TPGS2: variants seen among roughly 807,000 people sequenced by gnomAD.
The protein encoded by TPGS2 is polyglutamylase subunit 2.
TPGS2 carries 26 observed loss-of-function variants against 31.1 expected under a neutral mutation model. The observed-to-expected ratio is 0.84, with a 90% confidence interval of 0.61 to 1.16. The LOEUF is 1.16. Ranked by LOEUF, TPGS2 falls within the 50% of genes most tolerant of loss-of-function variation. TPGS2 has a pLI of 0.00. For synonymous variants in TPGS2, 130 were observed against 136.6 expected, an observed-to-expected ratio of 0.95 and a Z score of 0.34; for missense variants, 351 against 363.8, an observed-to-expected ratio of 0.96 and a Z score of 0.29.
intron 1 of TPGS2, among the ~76,000 whole-genome samples, chr18:36,828,077 A>G (rs2046263940): frequency 6.6e-6 from 1 of 152,166 alleles, no homozygotes; most frequent in South Asian, 2.1e-4. Context: ...GCGAGGCAGG[A>G]GAATTGCTTG....
At position 36,807,919 on chromosome 18, in the gene TPGS2, T is replaced by C; in HGVS notation, c.181A>G (p.Met61Val). 6.2e-7 allele frequency: 1 copy of C among 1,614,206 alleles called. No individual in the cohort carries two copies. Among genetic ancestry groups the C allele is most frequent in the Non-Finnish European group, 8.5e-7 (1 of 1,180,040 alleles). Residue 61 changes from methionine (M) to valine (V), a missense_variant, in exon 3 of 7, where the codon ATG becomes GTG. Transcript: ENST00000334295. ...SSWEQKNNCV[M>V]PEDVKNFYLM... ...TAAAAGTTCTTCACATCTTCAGGCA[T>C]CACACAGTTATTCTTCTAGAATCAC...
chr18:36,823,037 G>C (rs1600843426), intron 1 of TPGS2, among the ~76,000 whole-genome samples: 1 of 152,076 alleles, frequency 6.6e-6, no homozygotes, highest in East Asian at 1.9e-4. Context: ...AAACATTTGG[G>C]GGAATGTTTT....
Position 36,805,381 on chromosome 18 carries a change from T to G in TPGS2, c.375A>C (p.Thr125=). The G allele has an allele frequency of 6.2e-7, 1 of 1,613,902 alleles. No homozygotes were observed. Among genetic ancestry groups the G allele is most frequent in the South Asian group, 1.1e-5 (1 of 91,068 alleles). Residue 125 remains threonine (T), a synonymous_variant, in exon 4 of 7, where the codon ACA becomes ACC. Coordinates refer to ENST00000334295, the MANE Select transcript of TPGS2 (RefSeq NM_015476.4). ...APTLADLEDD[T]HEASDDQPEK... is the part of the protein sequence containing the mutation. ...ACCTTGGTATCTTCCTACCTTCATG[T>G]GTATCGTCCTCCAGGTCTGCCAGAG...
chr18:36,790,422 T>C (rs2044269604), downstream of TPGS2, among the ~76,000 whole-genome samples: 1 of 152,220 alleles, frequency 6.6e-6, no homozygotes, highest in South Asian at 2.1e-4. Context: ...TCTTTCATAA[T>C]GCTCGCTACA....
chr18:36,802,828 A>G (rs2044894746), intron 4 of TPGS2, among the ~76,000 whole-genome samples: 1 of 152,056 alleles, frequency 6.6e-6, no homozygotes, highest in Non-Finnish European at 1.5e-5. Context: ...GGGTTTCACC[A>G]TGTTGGCCAG....
downstream of TPGS2, chr18:36,789,569 G>A (rs1600722124): frequency 1.3e-5 from 2 of 152,270 alleles, no homozygotes; most frequent in East Asian, 1.9e-4. Context: ...GTTAAATTTA[G>A]TTTTGTATAA....
At chr18:36,807,587 T>C (rs1424358557) in intron 3 of TPGS2, 1 of 481,524 alleles carries the variant, frequency 2.1e-6, no homozygotes, top group Non-Finnish European at 3.6e-6. Flanking sequence ...ATTAATGGTT[T>C]TCTCTACCCT....
intron 3 of TPGS2, 117 bp downstream of exon 3, chr18:36,807,730 G>A (rs528186665): frequency 9.4e-6 from 8 of 847,658 alleles, no homozygotes; most frequent in Non-Finnish European, 1.5e-5. Context: ...CATGGCACTT[G>A]AGGGGCACCC....
At chr18:36,819,375 ATTAAC>A (rs2150677925) in intron 1 of TPGS2, among the ~76,000 whole-genome samples, 1 of 152,374 alleles carries the variant, frequency 6.6e-6, no homozygotes, top group African/African-American at 2.4e-5. Flanking sequence ...AAACTTGCTT[ATTAAC>A]TTTTCTTCTA....
At position 36,794,368 on chromosome 18, in the gene TPGS2, C is replaced by A; in HGVS notation, c.*2437G>T. ...CTTGAGCCTTTCCTTATCATAACCCCCTTCCTTTGATAGCCTTTTGAGAAC... is the reference window on the plus strand; with the variant it reads ...CTTGAGCCTTTCCTTATCATAACCCACTTCCTTTGATAGCCTTTTGAGAAC... On this transcript the variant is annotated 3_prime_UTR_variant, in exon 7 of 7. Transcript: ENST00000334295. The A allele has an allele frequency of 1.0e-6, 1 of 985,504 alleles. No homozygotes were observed. The highest frequency in any genetic ancestry group is 1.2e-6 in the Non-Finnish European group (1 of 829,994). 61.0% of individuals were successfully genotyped at this position (985,504 alleles called of 1,614,324 possible). A position where few individuals can be genotyped will look rare whatever the true frequency, so the allele number is the denominator to read the frequency against.
rs998271048 is a variant in TPGS2, at chr18:36,794,866, C to T, written c.*1939G>A. 2 of 966,000 alleles carry T rather than the reference C, an allele frequency of 2.1e-6. No individual in the cohort carries two copies. The highest frequency in any genetic ancestry group is 2.4e-6 in the Non-Finnish European group (2 of 817,420). The allele number at this position is 966,000 out of a possible 1,614,324, so 59.8% of individuals were successfully genotyped here. ...ACACACACACACACACACACACACA[C>T]ACACACACACACACACGTTTAAATG... On this transcript the variant is annotated 3_prime_UTR_variant, in exon 7 of 7. Coordinates refer to ENST00000334295, the MANE Select transcript of TPGS2 (RefSeq NM_015476.4).
At chr18:36,787,146 C>T in intron 6 of TPGS2, 4 of 1,231,738 alleles carry the variant, frequency 3.2e-6, no homozygotes, top group Non-Finnish European at 4.0e-6. Flanking sequence ...CAGAGGCATG[C>T]ATAGCATGTT....
intron 2 of TPGS2, among the ~76,000 whole-genome samples, chr18:36,814,825 T>C (rs1224918125): frequency 1.3e-5 from 2 of 152,212 alleles, no homozygotes; most frequent in African/African-American, 4.8e-5. Flanking sequence ...ATACAGTCCT[T>C]AGAGCTCTTT....
chr18:36,807,981 G>C, intron 2 of TPGS2, 47 bp from the exon 3 acceptor site: 1 of 1,593,264 alleles, frequency 6.3e-7, no homozygotes, highest in Non-Finnish European at 8.6e-7. Context: ...TGGGAAAGAG[G>C]GTACAGGGCT....
At chr18:36,783,633 C>T (rs992588076) in intron 6 of TPGS2, among the ~76,000 whole-genome samples, 30 of 152,226 alleles carry the variant, frequency 2.0e-4, no homozygotes, top group Admixed American at 7.8e-4. Context: ...AGAACAGGGG[C>T]CAGGAGTAGG....
intron 1 of TPGS2, among the ~76,000 whole-genome samples, chr18:36,821,946 C>A (rs1419439607): frequency 6.6e-6 from 1 of 152,200 alleles, no homozygotes; most frequent in African/African-American, 2.4e-5. Context: ...GGGATGCCTG[C>A]ATGGAAACAT....
downstream of TPGS2, among the ~76,000 whole-genome samples, chr18:36,780,404 C>T (rs115736009): frequency 1.2e-3 from 186 of 152,272 alleles, no homozygotes; most frequent in African/African-American, 3.8e-3. Flanking sequence ...CACTCATTGG[C>T]CTCTTATGTC....
At chr18:36,816,569 A>G (rs927434608) in intron 2 of TPGS2, among the ~76,000 whole-genome samples, 1 of 152,178 alleles carries the variant, frequency 6.6e-6, no homozygotes, top group African/African-American at 2.4e-5. Context: ...CAGACAGGAA[A>G]ACACGAGGAT....
intron 6 of TPGS2, chr18:36,788,845 G>A (rs1475281106): frequency 1.3e-5 from 2 of 152,170 alleles, no homozygotes; most frequent in Non-Finnish European, 2.9e-5. Flanking sequence ...TCCTTTGTGT[G>A]AGAAATGTTA....
Sources: gnomAD v4.1 joint callset for allele counts (sites outside exome capture counted in the v4.1 genomes callset) on GRCh38, gnomAD v4.1.1 for gene constraint, MANE v1.5 for transcripts, NCBI Gene and HGNC (gene_info 2026-07-23, HGNC 2026-07-21) for gene names.